IMMP2L: variants seen among roughly 807,000 people sequenced by gnomAD.
IMMP2L encodes mitochondrial inner membrane protease subunit 2.
In IMMP2L, 18 loss-of-function variants were observed where a neutral mutation model predicts 19.3. The observed-to-expected ratio is 0.93, with a 90% CI of 0.64 to 1.38. IMMP2L has a LOEUF of 1.38. Among genes scored for constraint, IMMP2L ranks in the 40% most tolerant of loss-of-function variants. The pLI, the probability that IMMP2L is intolerant of heterozygous loss-of-function variation, is 0.00. For missense variants in IMMP2L, 233 were observed against 218.2 expected (o/e 1.07, Z -0.43); for synonymous variants, 76 against 73.0 (o/e 1.04, Z -0.21).
intron 5 of IMMP2L, among the ~76,000 whole-genome samples, chr7:110,769,557 T>C (rs771804313): frequency 4.6e-5 from 7 of 152,136 alleles, no homozygotes; most frequent in Non-Finnish European, 7.4e-5. Context: ...TAATCAATTT[T>C]GATCATTTTG....
At chr7:110,704,917 C>T (rs1794545670) in intron 5 of IMMP2L, among the ~76,000 whole-genome samples, 1 of 152,136 alleles carries the variant, frequency 6.6e-6, no homozygotes, top group Non-Finnish European at 1.5e-5. Flanking sequence ...TCTAAGAAAA[C>T]TTTCCAGCAA....
chr7:111,380,712 G>C (rs533260202), intron 3 of IMMP2L, among the ~76,000 whole-genome samples: 10 of 152,090 alleles, frequency 6.6e-5, no homozygotes, highest in African/African-American at 2.4e-4. Flanking sequence ...TTGAGTTTGA[G>C]AGAGAAAAAT....
intron 5 of IMMP2L, among the ~76,000 whole-genome samples, chr7:110,814,406 T>A (rs574329327): frequency 1.9e-4 from 29 of 150,306 alleles, no homozygotes; most frequent in Admixed American, 6.7e-5. Context: ...AAAATGTATA[T>A]GACCTTGAGG....
At chr7:111,320,837 C>T (rs1435320526) in intron 3 of IMMP2L, among the ~76,000 whole-genome samples, 1 of 151,998 alleles carries the variant, frequency 6.6e-6, no homozygotes, top group Non-Finnish European at 1.5e-5. Flanking sequence ...TCATACCATA[C>T]AGTACTGTTT....
At chr7:111,251,900 GA>G (rs1452077444) in intron 3 of IMMP2L, among the ~76,000 whole-genome samples, 2 of 151,574 alleles carry the variant, frequency 1.3e-5, no homozygotes, top group African/African-American at 4.8e-5. Flanking sequence ...AGTTGAGGGG[GA>G]AAAAAACATA....
intron 3 of IMMP2L, among the ~76,000 whole-genome samples, chr7:110,994,188 A>G (rs1410820393): frequency 3.3e-5 from 5 of 149,430 alleles, no homozygotes; most frequent in Non-Finnish European, 7.4e-5. Context: ...CTATTGACAA[A>G]CCCCGGTTGA....
intron 5 of IMMP2L, among the ~76,000 whole-genome samples, chr7:110,827,536 T>C (rs747606438): frequency 2.6e-5 from 4 of 152,138 alleles, no homozygotes; most frequent in Non-Finnish European, 5.9e-5. Flanking sequence ...GATTTCACAA[T>C]CAACTGGGGA....
chr7:110,816,754 T>A (rs941878597), intron 5 of IMMP2L, among the ~76,000 whole-genome samples: 6 of 151,190 alleles, frequency 4.0e-5, no homozygotes, highest in Non-Finnish European at 7.4e-5. Flanking sequence ...CTTTGTTGGT[T>A]TAAAGTCTGT....
At chr7:110,672,198 T>C (rs1791969362) in intron 5 of IMMP2L, among the ~76,000 whole-genome samples, 1 of 151,996 alleles carries the variant, frequency 6.6e-6, no homozygotes. Context: ...AACATGTCCT[T>C]CTTCACATGG....
chr7:110,891,021 G>A (rs1461197283), intron 4 of IMMP2L, among the ~76,000 whole-genome samples: 1 of 151,816 alleles, frequency 6.6e-6, no homozygotes, highest in South Asian at 2.1e-4. Context: ...AATAATTCAT[G>A]ATTGATTTAA....
intron 5 of IMMP2L, among the ~76,000 whole-genome samples, chr7:110,687,614 A>G (rs1288736251): frequency 3.3e-5 from 5 of 152,152 alleles, no homozygotes; most frequent in African/African-American, 1.2e-4. Flanking sequence ...ATAACAAATT[A>G]GTTTAAAATT....
intron 3 of IMMP2L, among the ~76,000 whole-genome samples, chr7:111,112,391 T>A (rs1401769875): frequency 6.6e-6 from 1 of 152,152 alleles, no homozygotes; most frequent in Non-Finnish European, 1.5e-5. Context: ...TACTTCAGAG[T>A]GCCACCAAGT....
intron 5 of IMMP2L, among the ~76,000 whole-genome samples, chr7:110,749,147 G>T (rs1005981000): frequency 5.3e-5 from 8 of 152,148 alleles, no homozygotes; most frequent in Admixed American, 1.3e-4. Context: ...ATGAAACAGA[G>T]CTCATCATCA....
intron 3 of IMMP2L, among the ~76,000 whole-genome samples, chr7:111,105,229 A>G (rs1166725543): frequency 6.6e-6 from 1 of 151,932 alleles, no homozygotes; most frequent in Non-Finnish European, 1.5e-5. Flanking sequence ...TCTTATGTCA[A>G]TAGGCTGAAA....
rs1795908687 is a variant in IMMP2L at position 111,081,805 on chromosome 7, G to T, written c.240-118240C>A. 2.6e-5 allele frequency among the ~76,000 whole-genome samples: 4 copies of T among 152,244 alleles called. No homozygotes were observed. The South Asian group carries it at 8.3e-4, about 32-fold the overall frequency. On this transcript the variant is annotated intron_variant, in intron 3 of 5. Transcript: ENST00000405709. ...TGACTAGGTGTCTGCATAGCAAATT[G>T]TATACTTTTAAAATAACGTCATTGA...
intron 3 of IMMP2L, among the ~76,000 whole-genome samples, chr7:111,187,102 A>T (rs762084770): frequency 1.1e-4 from 17 of 152,126 alleles, no homozygotes; most frequent in Non-Finnish European, 1.6e-4. Flanking sequence ...AATCAAAGTA[A>T]GTATTAATGT....
intron 3 of IMMP2L, among the ~76,000 whole-genome samples, chr7:111,112,485 G>A (rs779617483): frequency 6.6e-6 from 1 of 151,726 alleles, no homozygotes; most frequent in Non-Finnish European, 1.5e-5. Flanking sequence ...ACAAAAAGAT[G>A]CACAAACATG....
intron 3 of IMMP2L, among the ~76,000 whole-genome samples, chr7:111,291,605 C>T (rs1463614943): frequency 6.6e-6 from 1 of 151,892 alleles, no homozygotes; most frequent in Non-Finnish European, 1.5e-5. Flanking sequence ...TTATCAGGGG[C>T]CACAGGAAAA....
chr7:111,080,411 C>T (rs891769065), intron 3 of IMMP2L, among the ~76,000 whole-genome samples: 25 of 151,026 alleles, frequency 1.7e-4, no homozygotes, highest in African/African-American at 4.1e-4. Flanking sequence ...CACACACACA[C>T]GTATATACTT....
Sources: gnomAD v4.1 joint callset for allele counts (sites outside exome capture counted in the v4.1 genomes callset) on GRCh38, gnomAD v4.1.1 for gene constraint, MANE v1.5 for transcripts, NCBI Gene and HGNC (gene_info 2026-07-23, HGNC 2026-07-21) for gene names.